The following GRIK1 variants were observed in gnomAD, a reference collection of about 807,000 sequenced individuals.
GRIK1 encodes glutamate ionotropic receptor kainate type subunit 1, also known as glutamate receptor ionotropic, kainate 1.
GRIK1 carries 69 observed loss-of-function variants against 105.7 expected under a neutral mutation model. The ratio of observed to expected loss-of-function variants is 0.65; its 90% CI spans 0.54 to 0.80. The LOEUF is 0.80. Ranked by LOEUF, GRIK1 falls within the 30% of genes least tolerant of loss-of-function variation. The pLI is 0.00. For missense variants in GRIK1, 1,109 were observed against 1,167.3 expected (o/e 0.95, Z 0.73); for synonymous variants, 438 against 431.3 (o/e 1.02, Z -0.19).
At chr21:29,902,976 C>T (rs2070464935) in intron 1 of GRIK1, among the ~76,000 whole-genome samples, 2 of 152,064 alleles carry the variant, frequency 1.3e-5, no homozygotes, top group African/African-American at 4.8e-5. Flanking sequence ...GAAATAACAC[C>T]ACACATATAC....
At chr21:29,660,939 C>T (rs764239532) in intron 4 of GRIK1, among the ~76,000 whole-genome samples, 58 of 152,150 alleles carry the variant, frequency 3.8e-4, no homozygotes, top group African/African-American at 1.1e-3. Flanking sequence ...ATCAAGTCTC[C>T]GAGCAGCAAT....
chr21:29,660,311 A>G (rs1601396230), intron 4 of GRIK1, among the ~76,000 whole-genome samples: 1 of 152,166 alleles, frequency 6.6e-6, no homozygotes. Flanking sequence ...TCCTCAATGA[A>G]GTCTAGGTAA....
intron 1 of GRIK1, among the ~76,000 whole-genome samples, chr21:29,750,236 TCCTCCCTCCCTC>T (rs71191124): frequency 2.6e-5 from 3 of 115,018 alleles, no homozygotes; most frequent in Non-Finnish European, 3.6e-5. Context: ...TTCCTTCCCT[TCCTCCCTCCCTC>T]CCTCCCTCCC....
chr21:29,939,217 G>A (rs1479419681), intron 1 of GRIK1, among the ~76,000 whole-genome samples, 166 bp downstream of exon 1: 1 of 152,130 alleles, frequency 6.6e-6, no homozygotes, highest in Non-Finnish European at 1.5e-5. Flanking sequence ...GGGAAGCAGT[G>A]ACGCGGCTCC....
intron 1 of GRIK1, among the ~76,000 whole-genome samples, chr21:29,745,887 A>G (rs188365587): frequency 2.5e-3 from 382 of 152,282 alleles, no homozygotes; most frequent in Non-Finnish European, 2.6e-3. Context: ...GGGGATCACG[A>G]GGTCAGGAGA....
chr21:29,734,763 A>T (rs186108871), intron 1 of GRIK1, among the ~76,000 whole-genome samples: 1 of 152,046 alleles, frequency 6.6e-6, no homozygotes, highest in Admixed American at 6.5e-5. Context: ...CATTCTTGTC[A>T]CCATTGCCTC....
intron 16 of GRIK1, among the ~76,000 whole-genome samples, chr21:29,552,956 T>A (rs1250102081): frequency 6.6e-6 from 1 of 152,090 alleles, no homozygotes; most frequent in Admixed American, 6.5e-5. Context: ...TTTCTTTCTG[T>A]GGATCACGGT....
At chr21:29,753,065 A>G (rs1165102388) in intron 1 of GRIK1, among the ~76,000 whole-genome samples, 2 of 152,140 alleles carry the variant, frequency 1.3e-5, no homozygotes, top group Admixed American at 6.5e-5. Flanking sequence ...CAGAGGCAAG[A>G]GCTCTTTTTC....
intron 1 of GRIK1, among the ~76,000 whole-genome samples, chr21:29,772,884 T>C (rs767065033): frequency 3.9e-5 from 6 of 152,248 alleles, no homozygotes; most frequent in Non-Finnish European, 8.8e-5. Context: ...TTTGTTACTA[T>C]GTATTTCCTA....
intron 1 of GRIK1, among the ~76,000 whole-genome samples, chr21:29,895,592 C>T (rs567102017): frequency 2.4e-4 from 37 of 152,282 alleles, no homozygotes; most frequent in Non-Finnish European, 5.1e-4. Flanking sequence ...GTAACTCCTC[C>T]AAGAAATCTT....
intron 13 of GRIK1, among the ~76,000 whole-genome samples, chr21:29,579,973 A>ATATATGTGTGTG (rs1339255505): frequency 0.027 from 3,885 of 145,972 alleles, 184 homozygotes; most frequent in African/African-American, 0.093. Context: ...GTGTATATAT[A>ATATATGTGTGTG]TATATATATG....
chr21:29,684,098 T>C (rs2063434543), intron 3 of GRIK1, among the ~76,000 whole-genome samples: 1 of 152,246 alleles, frequency 6.6e-6, no homozygotes, highest in African/African-American at 2.4e-5. Context: ...TAACATTTTC[T>C]ACTGTCTATC....
chr21:29,764,537 A>G (rs1254618209), intron 1 of GRIK1, among the ~76,000 whole-genome samples: 1 of 152,238 alleles, frequency 6.6e-6, no homozygotes, highest in African/African-American at 2.4e-5. Context: ...AATGTCATTC[A>G]AAGGAAACAC....
At chr21:29,599,026 C>A (rs2061469190) in intron 7 of GRIK1, 89 bp from the exon 8 acceptor site, 1 of 646,672 alleles carries the variant, frequency 1.5e-6, no homozygotes, top group Non-Finnish European at 2.8e-6. Flanking sequence ...AAATTCATCA[C>A]AGTATCCAAT....
At chr21:29,566,880 G>A (rs929322045) in intron 14 of GRIK1, among the ~76,000 whole-genome samples, 3 of 148,216 alleles carry the variant, frequency 2.0e-5, no homozygotes, top group African/African-American at 7.8e-5. Context: ...AAACAACAGG[G>A]AATGAACTAT....
At chr21:29,924,735 TG>T (rs1336049905) in intron 1 of GRIK1, among the ~76,000 whole-genome samples, 5 of 152,330 alleles carry the variant, frequency 3.3e-5, no homozygotes, top group African/African-American at 1.2e-4. Flanking sequence ...AGTAAAACAT[TG>T]GCTCTGCTTC....
At chr21:29,915,185 C>A (rs459651) in intron 1 of GRIK1, among the ~76,000 whole-genome samples, 136,555 of 147,056 alleles carry the variant, frequency 0.93, 63,033 homozygotes, top group East Asian at 0.99. Flanking sequence ...TGAATCCAGA[C>A]ACACACACAC....
chr21:29,538,846 G>A (rs1346377658), intron 16 of GRIK1, among the ~76,000 whole-genome samples: 1 of 152,102 alleles, frequency 6.6e-6, no homozygotes, highest in African/African-American at 2.4e-5. Context: ...ATAACTTGAT[G>A]TAGTTTAGAG....
intron 1 of GRIK1, among the ~76,000 whole-genome samples, chr21:29,752,025 C>T (rs2065217675): frequency 6.6e-6 from 1 of 152,206 alleles, no homozygotes; most frequent in Admixed American, 6.5e-5. Flanking sequence ...AATTAAAATG[C>T]TAAGCCTTTT....
Sources: gnomAD v4.1 joint callset for allele counts (sites outside exome capture counted in the v4.1 genomes callset) on GRCh38, gnomAD v4.1.1 for gene constraint, MANE v1.5 for transcripts, NCBI Gene and HGNC (gene_info 2026-07-23, HGNC 2026-07-21) for gene names.